RABGAP1L: variants seen among roughly 807,000 people sequenced by gnomAD.
RABGAP1L encodes the protein rab GTPase-activating protein 1-like.
In RABGAP1L, 63 loss-of-function variants were observed where a neutral mutation model predicts 137.7. The ratio of observed to expected loss-of-function variants is 0.46; its 90% CI spans 0.37 to 0.56. The LOEUF (loss-of-function observed/expected upper bound fraction) is 0.56. Ranked by LOEUF, RABGAP1L falls within the 20% of genes least tolerant of loss-of-function variation. RABGAP1L has a pLI of 0.00. For missense variants in RABGAP1L, 1,095 were observed against 1,244.0 expected (o/e 0.88, Z 1.80); for synonymous variants, 431 against 433.7 (o/e 0.99, Z 0.08).
chr1:174,588,466 G>A (rs753749122), intron 13 of RABGAP1L, among the ~76,000 whole-genome samples: 15 of 152,072 alleles, frequency 9.9e-5, no homozygotes, highest in East Asian at 1.9e-4. Context: ...CGCCTGGCCC[G>A]GCCTAGTTAT....
At chr1:174,500,096 T>G (rs940158511) in intron 13 of RABGAP1L, among the ~76,000 whole-genome samples, 5 of 150,348 alleles carry the variant, frequency 3.3e-5, no homozygotes, top group African/African-American at 7.3e-5. Flanking sequence ...TTTTTTTTTT[T>G]GAGATGGAGT....
chr1:174,383,510 C>T (rs1013296728), intron 12 of RABGAP1L, among the ~76,000 whole-genome samples: 18 of 152,274 alleles, frequency 1.2e-4, no homozygotes, highest in East Asian at 1.2e-3. Context: ...TTTTTTAAGC[C>T]GGTCTGGAAA....
chr1:174,987,412 A>G (rs977847960), intron 24 of RABGAP1L, among the ~76,000 whole-genome samples: 1 of 152,080 alleles, frequency 6.6e-6, no homozygotes, highest in Non-Finnish European at 1.5e-5. Flanking sequence ...TGATCCACCC[A>G]CCTTAGCCTC....
intron 17 of RABGAP1L, among the ~76,000 whole-genome samples, chr1:174,714,262 C>T (rs563920626): frequency 6.6e-6 from 1 of 152,258 alleles, no homozygotes; most frequent in African/African-American, 2.4e-5. Flanking sequence ...GAAATTTTCC[C>T]TGATCACCCA....
At chr1:174,770,882 G>A (rs991847479) in intron 18 of RABGAP1L, among the ~76,000 whole-genome samples, 1 of 152,196 alleles carries the variant, frequency 6.6e-6, no homozygotes, top group African/African-American at 2.4e-5. Context: ...TGGGTTAGAT[G>A]TCAGGGGATA....
chr1:174,241,736 T>A (rs1200406991), intron 5 of RABGAP1L, 79 bp downstream of exon 5: 3 of 1,143,838 alleles, frequency 2.6e-6, no homozygotes, highest in Non-Finnish European at 3.7e-6. Context: ...CACTGTTGTA[T>A]AAATATGTTA....
intron 13 of RABGAP1L, among the ~76,000 whole-genome samples, chr1:174,520,355 A>G (rs1272210787): frequency 6.6e-6 from 1 of 152,236 alleles, no homozygotes; most frequent in Non-Finnish European, 1.5e-5. Context: ...TCACAGCAGA[A>G]CTTGAGGAAT....
At chr1:174,507,094 A>C (rs1480089615) in intron 13 of RABGAP1L, among the ~76,000 whole-genome samples, 6 of 152,238 alleles carry the variant, frequency 3.9e-5, no homozygotes, top group Non-Finnish European at 1.5e-5. Flanking sequence ...CAATTTAAAA[A>C]GAATTTAAGG....
chr1:174,572,052 A>G (rs1458027867), intron 13 of RABGAP1L, among the ~76,000 whole-genome samples: 4 of 152,208 alleles, frequency 2.6e-5, no homozygotes, highest in Non-Finnish European at 5.9e-5. Flanking sequence ...GACAGCTTAC[A>G]ATGAAACATT....
In RABGAP1L at chr1:174,637,396, A is replaced by C; in HGVS notation, c.1732A>C (p.Ile578Leu). ...TTAGGACTCAGCCCAGGAGAGTGTT[A>C]TTACTCGAGATATTCATCGTACATT... ...ITKDSAQESV[I>L]TRDIHRTFPA... The change falls in exon 14 of 26, where the codon ATT becomes CTT. Residue 578 changes from isoleucine (I) to leucine (L), a missense_variant. By Grantham distance (5) the Ile-to-Leu change is conservative. Coordinates refer to ENST00000681986, the MANE Select transcript of RABGAP1L (RefSeq NM_001366446.1). 1 of 1,612,010 alleles carries C rather than the reference A, an allele frequency of 6.2e-7. No homozygotes were observed. The highest frequency in any genetic ancestry group is 1.1e-5 in the South Asian group (1 of 91,032).
intron 15 of RABGAP1L, among the ~76,000 whole-genome samples, chr1:174,684,660 C>T (rs1290444710): frequency 6.6e-6 from 1 of 152,140 alleles, no homozygotes; most frequent in East Asian, 1.9e-4. Context: ...AGGAAACAGA[C>T]AGCAGCAGAG....
intron 12 of RABGAP1L, among the ~76,000 whole-genome samples, chr1:174,382,851 A>G (rs997723551): frequency 2.0e-5 from 3 of 151,944 alleles, no homozygotes; most frequent in Non-Finnish European, 4.4e-5. Context: ...GTTCCTTTGG[A>G]GGAGGAGAGA....
At chr1:174,318,585 T>TTTCTTTCTTTCC (rs1679627492) in intron 11 of RABGAP1L, among the ~76,000 whole-genome samples, 1 of 97,998 alleles carries the variant, frequency 1.0e-5, no homozygotes, top group Non-Finnish European at 2.1e-5. Context: ...GATTGTTTTC[T>TTTCTTTCTTTCC]TTCTTTCTTT....
chr1:174,368,186 C>T (rs545705739), intron 11 of RABGAP1L: 1 of 152,272 alleles, frequency 6.6e-6, no homozygotes, highest in Admixed American at 6.5e-5. Context: ...TTATCCCATT[C>T]CTTTAAATTA....
chr1:174,873,974 G>A (rs1388550415), intron 19 of RABGAP1L, among the ~76,000 whole-genome samples: 19 of 152,138 alleles, frequency 1.2e-4, no homozygotes, highest in Non-Finnish European at 2.9e-5. Flanking sequence ...TTTGACACTT[G>A]AGAATAGATG....
chr1:174,670,708 ATGT>A (rs1206969594), intron 14 of RABGAP1L, among the ~76,000 whole-genome samples: 1 of 152,066 alleles, frequency 6.6e-6, no homozygotes, highest in Non-Finnish European at 1.5e-5. Flanking sequence ...AGTTCCATCC[ATGT>A]TGTTGCAATT....
chr1:174,446,033 G>A (rs1654724038), intron 13 of RABGAP1L, among the ~76,000 whole-genome samples: 1 of 152,182 alleles, frequency 6.6e-6, no homozygotes, highest in South Asian at 2.1e-4. Flanking sequence ...CTGTTGATTG[G>A]GGCAGGAGGG....
chr1:174,428,711 G>C (rs1288798219), intron 13 of RABGAP1L, among the ~76,000 whole-genome samples: 1 of 152,004 alleles, frequency 6.6e-6, no homozygotes, highest in African/African-American at 2.4e-5. Flanking sequence ...AGTCCTCAAA[G>C]ACCCTCTTTT....
chr1:174,691,081 G>A (rs1159944688), intron 15 of RABGAP1L, among the ~76,000 whole-genome samples: 1 of 152,030 alleles, frequency 6.6e-6, no homozygotes, highest in Non-Finnish European at 1.5e-5. Context: ...ATCACACACA[G>A]CCTCCCAAAG....
Sources: allele counts gnomAD v4.1 joint callset (sites outside exome capture counted in the v4.1 genomes callset), GRCh38; gene constraint gnomAD v4.1.1; transcripts MANE v1.5; gene names NCBI Gene and HGNC (gene_info 2026-07-23, HGNC 2026-07-21).